The following PUDP variants were observed in gnomAD, a reference collection of about 807,000 sequenced individuals.
The protein encoded by PUDP is pseudouridine 5'-phosphatase.
Under a neutral mutation model 9.4 loss-of-function variants are expected in PUDP, and 8 were observed. The ratio of observed to expected loss-of-function variants is 0.85; its 90% CI spans 0.50 to 1.53. PUDP has a LOEUF of 1.53. PUDP is among the 40% of genes most tolerant of loss of function. The pLI is 0.00. For synonymous variants in PUDP, 99 were observed against 80.7 expected (o/e 1.23, Z -1.22); for missense variants, 188 against 189.7 (o/e 0.99, Z 0.05).
At chrX:7,104,863 T>C (rs765404077) in intron 2 of PUDP, among the ~76,000 whole-genome samples, 5 of 112,455 alleles carry the variant, frequency 4.4e-5, no homozygotes, top group African/African-American at 1.6e-4. Context: ...GTATGCTTCA[T>C]ATTAATATCA....
chrX:6,892,759 T>C (rs1292978752), intron 3 of PUDP, among the ~76,000 whole-genome samples: 1 of 111,462 alleles, frequency 9.0e-6, no homozygotes, highest in Non-Finnish European at 1.9e-5. Context: ...TCTAATTCTA[T>C]AGGACTAGTG....
In PUDP at chrX:6,981,396, C is replaced by T. The variant is rs771618928; in HGVS notation, c.205-3053G>A. On this transcript the variant is annotated intron_variant and NMD_transcript_variant, in intron 1 of 3. Transcript: ENST00000655425. ...TGTTTAATAAAACTTTCTCTATATA[C>T]TTATTGCTATGGCTTATCTACTAAT... 6.3e-5 allele frequency among the ~76,000 whole-genome samples: 7 copies of T among 111,746 alleles called. No individual in the cohort carries two copies. The South Asian group carries it at 2.3e-3, about 36-fold the overall frequency.
At chrX:6,993,162 G>C (rs893079702) in intron 1 of PUDP, among the ~76,000 whole-genome samples, 3 of 111,033 alleles carry the variant, frequency 2.7e-5, no homozygotes, top group Non-Finnish European at 5.7e-5. Context: ...TTGTGATCAT[G>C]TGAGTCAATA....
chrX:6,881,079 G>C (rs768985269), intron 3 of PUDP, among the ~76,000 whole-genome samples: 1 of 112,436 alleles, frequency 8.9e-6, no homozygotes, highest in Non-Finnish European at 1.9e-5. Context: ...TGAACTAGAA[G>C]TCTGGGCTTT....
At chrX:6,886,365 T>C (rs1428486314) in intron 3 of PUDP, among the ~76,000 whole-genome samples, 2 of 112,157 alleles carry the variant, frequency 1.8e-5, no homozygotes, top group Non-Finnish European at 3.8e-5. Context: ...ATGAACTGTT[T>C]ACTTTGGAAA....
chrX:6,893,924 A>C (rs1400187914), intron 3 of PUDP, among the ~76,000 whole-genome samples: 1 of 112,073 alleles, frequency 8.9e-6, no homozygotes, highest in African/African-American at 3.2e-5. Context: ...AGCCAGAAAA[A>C]GGAACGAGAT....
intron 3 of PUDP, among the ~76,000 whole-genome samples, chrX:6,918,080 CT>C (rs1927962672): frequency 8.9e-6 from 1 of 112,019 alleles, no homozygotes; most frequent in Non-Finnish European, 1.9e-5. Flanking sequence ...ACATTTCCTG[CT>C]TTTTAATAAG....
chrX:7,098,103 G>A (rs1447905253), intron 2 of PUDP, among the ~76,000 whole-genome samples: 1 of 112,152 alleles, frequency 8.9e-6, no homozygotes, highest in Non-Finnish European at 1.9e-5. Flanking sequence ...ACAAGTGCCT[G>A]CTAGGAGCCA....
chrX:6,861,217 G>A (rs1183898433), intron 3 of PUDP, among the ~76,000 whole-genome samples: 2 of 111,716 alleles, frequency 1.8e-5, no homozygotes, highest in African/African-American at 6.5e-5. Context: ...CTTTTGATCT[G>A]CCCCCAGGAG....
At chrX:6,842,563 T>G (rs895978386) in intron 3 of PUDP, among the ~76,000 whole-genome samples, 1 of 112,545 alleles carries the variant, frequency 8.9e-6, no homozygotes, top group Non-Finnish European at 1.9e-5. Context: ...AAATGTTAAA[T>G]GTATGTATAT....
intron 3 of PUDP, among the ~76,000 whole-genome samples, chrX:7,072,879 C>T (rs1250557972): frequency 1.8e-5 from 2 of 110,579 alleles, no homozygotes; most frequent in Admixed American, 9.6e-5. Context: ...AATATCAACC[C>T]TAGAAGTGAT....
intron 3 of PUDP, among the ~76,000 whole-genome samples, chrX:6,745,173 T>C (rs1256720062): frequency 8.9e-6 from 1 of 111,993 alleles, no homozygotes; most frequent in East Asian, 2.8e-4. Flanking sequence ...AATGTGACTG[T>C]ACTTGGGTGA....
chrX:6,996,120 G>T (rs1929246732), intron 1 of PUDP, among the ~76,000 whole-genome samples: 2 of 111,382 alleles, frequency 1.8e-5, no homozygotes, highest in Admixed American at 1.9e-4. Flanking sequence ...TAATGAACTT[G>T]GGATATAAAA....
At chrX:7,001,146 C>T (rs1340757614) in intron 1 of PUDP, among the ~76,000 whole-genome samples, 1 of 109,816 alleles carries the variant, frequency 9.1e-6, no homozygotes, top group Non-Finnish European at 1.9e-5. Context: ...ACTTGTATAT[C>T]TTAATACTGG....
At chrX:6,820,107 G>A (rs191721672) in intron 3 of PUDP, among the ~76,000 whole-genome samples, 3 of 109,082 alleles carry the variant, frequency 2.8e-5, no homozygotes, top group East Asian at 2.9e-4. Flanking sequence ...GGCACTTCTT[G>A]CATGGTGGCG....
intron 3 of PUDP, among the ~76,000 whole-genome samples, chrX:6,902,552 C>G (rs750212826): frequency 3.4e-4 from 38 of 112,401 alleles, no homozygotes; most frequent in Non-Finnish European, 6.6e-4. Context: ...GTAGAGGCTC[C>G]TGCCTTAAGG....
intron 1 of PUDP, among the ~76,000 whole-genome samples, chrX:7,005,342 G>A (rs1289476137): frequency 9.0e-6 from 1 of 110,693 alleles, no homozygotes; most frequent in Non-Finnish European, 1.9e-5. Flanking sequence ...GTGAGGCAAG[G>A]GTGAGCAGTT....
chrX:6,970,848 G>A (rs1361990218), intron 3 of PUDP, among the ~76,000 whole-genome samples: 1 of 110,329 alleles, frequency 9.1e-6, no homozygotes, highest in Non-Finnish European at 1.9e-5. Context: ...TGGGAGTTTA[G>A]GAGTTCAAGA....
At chrX:6,854,918 T>C (rs1156959168) in intron 3 of PUDP, among the ~76,000 whole-genome samples, 1 of 111,457 alleles carries the variant, frequency 9.0e-6, no homozygotes, top group African/African-American at 3.3e-5. Flanking sequence ...AGAAGATAAA[T>C]GTGCATTATC....
Sources: allele counts gnomAD v4.1 joint callset (sites outside exome capture counted in the v4.1 genomes callset), GRCh38; gene constraint gnomAD v4.1.1; transcripts MANE v1.5; gene names NCBI Gene and HGNC (gene_info 2026-07-23, HGNC 2026-07-21).